The following DNAJB14 variants were observed in gnomAD, a reference collection of about 807,000 sequenced individuals.
DNAJB14 encodes dnaJ homolog subfamily B member 14.
Under a neutral mutation model 48.4 loss-of-function variants are expected in DNAJB14, and 22 were observed. The observed-to-expected ratio is 0.45, with a 90% CI of 0.32 to 0.65. The LOEUF is 0.65. Among genes scored for constraint, DNAJB14 ranks in the 30% least tolerant of loss-of-function variants. The pLI is 0.03. For missense variants in DNAJB14, 319 were observed against 458.8 expected (o/e 0.70, Z 2.78); for synonymous variants, 142 against 158.7 (o/e 0.89, Z 0.79).
intron 2 of DNAJB14, chr4:99,926,479 A>G (rs1408042444): frequency 6.6e-6 from 1 of 152,218 alleles, no homozygotes; most frequent in Non-Finnish European, 1.5e-5. Flanking sequence ...GTGGAGAGGT[A>G]CGAATATGGC....
chr4:99,928,523 A>C, intron 2 of DNAJB14: 1 of 430,318 alleles, frequency 2.3e-6, no homozygotes, highest in Admixed American at 2.4e-5. Flanking sequence ...CCCACCCCAC[A>C]TATATATATA....
intron 1 of DNAJB14, among the ~76,000 whole-genome samples, chr4:99,943,394 T>C (rs1024796336): frequency 6.6e-6 from 1 of 152,222 alleles, no homozygotes; most frequent in African/African-American, 2.4e-5. Flanking sequence ...TGTGCTTTGG[T>C]ATCTTATAAT....
chr4:99,935,806 G>T (rs563390545), intron 1 of DNAJB14, among the ~76,000 whole-genome samples: 2 of 152,118 alleles, frequency 1.3e-5, no homozygotes, highest in African/African-American at 2.4e-5. Flanking sequence ...GGTGGCTCAC[G>T]CCTGTAATCC....
chr4:99,905,876 G>A (rs1386985668), intron 5 of DNAJB14, 170 bp from the exon 6 acceptor site: 1 of 792,058 alleles, frequency 1.3e-6, no homozygotes, highest in Non-Finnish European at 1.5e-6. Flanking sequence ...AATTATCCAG[G>A]CATATCACCA....
In DNAJB14 at chr4:99,898,793, AAGC is replaced by A. The variant is rs1725205710; in HGVS notation, c.*2232_*2234del. ...AATGTTGGGATTTTTATTATAAAAA[AAGC>A]AGCAAACATGAAAATCTTTTATCAA... On this transcript the variant is annotated 3_prime_UTR_variant, in exon 8 of 8. Transcript: ENST00000442697. 1 of 151,980 alleles carries A rather than the reference AAGC, an allele frequency of 6.6e-6. No homozygotes were observed. The highest frequency in any genetic ancestry group is 1.5e-5 in the Non-Finnish European group (1 of 67,830). The allele number at this position is 151,980 out of a possible 1,614,324, so 9.4% of individuals were successfully genotyped here.
chr4:99,930,666 A>G (rs1318172187), intron 1 of DNAJB14, 45 bp from the exon 2 acceptor site: 3 of 1,535,134 alleles, frequency 2.0e-6, no homozygotes, highest in Non-Finnish European at 2.6e-6. Flanking sequence ...ATCAACGTAC[A>G]TACACAAGAT....
chr4:99,909,770 T>C (rs1228654789), intron 3 of DNAJB14, among the ~76,000 whole-genome samples: 1 of 151,920 alleles, frequency 6.6e-6, no homozygotes, highest in African/African-American at 2.4e-5. Context: ...AGTTTTTATA[T>C]TATAAAAGTC....
intron 6 of DNAJB14, among the ~76,000 whole-genome samples, chr4:99,904,512 T>G (rs72684371): frequency 0.094 from 14,324 of 152,146 alleles, 935 homozygotes; most frequent in Non-Finnish European, 0.14. Flanking sequence ...ATATAAAACA[T>G]AAATTTCATT....
chr4:99,900,885 C>T lies in DNAJB14; in HGVS notation c.*143G>A. Reference sequence around the variant, plus strand: ...TTACTATTTAAAGGAGCCAGTAGGTCATAAACAGTCCAAGATTTCAGGAAC... The same window carrying T: ...TTACTATTTAAAGGAGCCAGTAGGTTATAAACAGTCCAAGATTTCAGGAAC... On this transcript the variant is annotated 3_prime_UTR_variant, in exon 8 of 8. Coordinates refer to ENST00000442697, the MANE Select transcript of DNAJB14 (RefSeq NM_001031723.4). 1 of 824,466 alleles carries T rather than the reference C, an allele frequency of 1.2e-6. No homozygotes were observed. The highest frequency in any genetic ancestry group is 1.8e-6 in the Non-Finnish European group (1 of 561,144). The allele number at this position is 824,466 out of a possible 1,614,324, so 51.1% of individuals were successfully genotyped here. A position where few individuals can be genotyped will look rare whatever the true frequency, so the allele number is the denominator to read the frequency against.
At chr4:99,915,972 A>G (rs1405515820) in intron 3 of DNAJB14, among the ~76,000 whole-genome samples, 1 of 152,128 alleles carries the variant, frequency 6.6e-6, no homozygotes, top group Non-Finnish European at 1.5e-5. Flanking sequence ...TGTGTTCATA[A>G]TGTACTTCTC....
At chr4:99,942,718 T>C (rs1261411382) in intron 1 of DNAJB14, among the ~76,000 whole-genome samples, 29 of 152,154 alleles carry the variant, frequency 1.9e-4, no homozygotes, top group Non-Finnish European at 2.9e-5. Context: ...AAGTGTCTTA[T>C]GTATCAGACT....
chr4:99,926,500 T>A lies in DNAJB14; in HGVS notation c.306-3315A>T, dbSNP rs193234473. The A allele has an allele frequency of 4.6e-5, 7 of 152,248 alleles. No homozygotes were observed. The East Asian group carries it at 7.7e-4, about 17-fold the overall frequency. 9.4% of individuals were successfully genotyped at this position (152,248 alleles called of 1,614,324 possible). A position where few individuals can be genotyped will look rare whatever the true frequency, so the allele number is the denominator to read the frequency against. Reference sequence around the variant, plus strand: ...AGGTACGAATATGGCAGACACTACCTGAATGCAAAAAATAAAAGGTAAATT... The same window carrying A: ...AGGTACGAATATGGCAGACACTACCAGAATGCAAAAAATAAAAGGTAAATT... On this transcript the variant is annotated intron_variant, in intron 2 of 7. Transcript: ENST00000442697.
chr4:99,906,391 TA>T lies in DNAJB14; in HGVS notation c.732+125del, dbSNP rs949708125. 6 of 1,037,470 alleles carry T rather than the reference TA, an allele frequency of 5.8e-6. No individual in the cohort carries two copies. In the African/African-American group the frequency reaches 6.4e-5, roughly 11 times the overall value. 64.3% of individuals were successfully genotyped at this position (1,037,470 alleles called of 1,614,324 possible). A position where few individuals can be genotyped will look rare whatever the true frequency, so the allele number is the denominator to read the frequency against. On this transcript the variant is annotated intron_variant, in intron 5 of 7. Transcript: ENST00000442697. ...ATGTCCCTAAGGATTTTCTAGTCTC[TA>T]CCAAACACCTCTAGTAAGAGAAAAC...
At chr4:99,932,011 C>A (rs1199101101) in intron 1 of DNAJB14, among the ~76,000 whole-genome samples, 2 of 151,952 alleles carry the variant, frequency 1.3e-5, no homozygotes, top group Non-Finnish European at 2.9e-5. Flanking sequence ...ACACTGGACA[C>A]AAAAATTAAC....
intron 1 of DNAJB14, among the ~76,000 whole-genome samples, chr4:99,944,772 T>G (rs1184537798): frequency 2.0e-5 from 3 of 152,150 alleles, no homozygotes; most frequent in African/African-American, 7.2e-5. Flanking sequence ...AGATGGCGTT[T>G]CATCATGTTG....
intron 4 of DNAJB14, among the ~76,000 whole-genome samples, chr4:99,908,110 G>A (rs1725529507): frequency 1.3e-5 from 2 of 152,060 alleles, no homozygotes; most frequent in South Asian, 2.1e-4. Context: ...AATGTAAGTG[G>A]AGTTTGATAC....
intron 3 of DNAJB14, among the ~76,000 whole-genome samples, chr4:99,919,204 C>T (rs1258079600): frequency 6.6e-6 from 1 of 152,068 alleles, no homozygotes; most frequent in African/African-American, 2.4e-5. Context: ...ATAAGGCAGG[C>T]TTTTCTTGGG....
rs1046488567 is a variant in DNAJB14, at chr4:99,944,647, C to G, written c.133+1792G>C. The stretch of plus-strand genomic sequence containing the variant: ...GGAGTGCAGTGTTGCCATCTCGACT[C>G]ACTGTAACCTCCATCTCCCGAGTTC... On this transcript the variant is annotated intron_variant, in intron 1 of 7. Transcript: ENST00000442697. 5.9e-5 allele frequency among the ~76,000 whole-genome samples: 9 copies of G among 151,600 alleles called. No homozygotes were observed. The East Asian group carries it at 1.7e-3, about 29-fold the overall frequency.
In DNAJB14 at chr4:99,906,554, CG is replaced by C. The variant is rs780311481; in HGVS notation, c.694del (p.Arg232AspfsTer22). 6.2e-7 allele frequency: 1 copy of C among 1,611,212 alleles called. No homozygotes were observed. Reference protein sequence around the residue: ...RAGYSQQHQHRHSGHEREEER... With the variant: ...RAGYSQQHQHXHSGHEREEER... The stretch of plus-strand genomic sequence containing the variant: ...CTCTTCTCTTTCATGTCCACTATGT[CG>C]ATGCTGATGTTGTTGGCTATAACCA... On this transcript the variant is annotated frameshift_variant, in exon 5 of 8. Coordinates refer to ENST00000442697, the MANE Select transcript of DNAJB14 (RefSeq NM_001031723.4). LOFTEE classifies it high-confidence loss of function.
Sources: gnomAD v4.1 joint callset for allele counts (sites outside exome capture counted in the v4.1 genomes callset) on GRCh38, gnomAD v4.1.1 for gene constraint, MANE v1.5 for transcripts, NCBI Gene and HGNC (gene_info 2026-07-23, HGNC 2026-07-21) for gene names.